The following GRID2 variants were observed in gnomAD, a reference collection of about 807,000 sequenced individuals.
The protein encoded by GRID2 is glutamate receptor ionotropic, delta-2.
A neutral mutation model predicts 114.8 loss-of-function variants in GRID2; 33 were observed. The observed-to-expected ratio is 0.29, with a 90% CI of 0.22 to 0.38. The LOEUF (loss-of-function observed/expected upper bound fraction) is 0.38. GRID2 is among the 10% of genes least tolerant of loss of function. The pLI, the probability that GRID2 is intolerant of heterozygous loss-of-function variation, is 1.00. For missense variants in GRID2, 1,184 were observed against 1,257.7 expected, an observed-to-expected ratio of 0.94 and a Z score of 0.89; for synonymous variants, 505 against 449.9, an observed-to-expected ratio of 1.12 and a Z score of -1.55.
At chr4:92,512,831 A>G (rs910452060) in intron 1 of GRID2, among the ~76,000 whole-genome samples, 4 of 151,844 alleles carry the variant, frequency 2.6e-5, no homozygotes, top group African/African-American at 4.8e-5. Context: ...ACGTAATTAT[A>G]TAGTTATTCT....
At chr4:93,480,179 G>A (rs1206865296) in intron 11 of GRID2, among the ~76,000 whole-genome samples, 1 of 152,128 alleles carries the variant, frequency 6.6e-6, no homozygotes, top group East Asian at 1.9e-4. Flanking sequence ...AGAACTGACT[G>A]AGCAATATCA....
At chr4:93,785,571 G>A (rs1282815155) in intron 1 of GRID2, among the ~76,000 whole-genome samples, 3 of 152,160 alleles carry the variant, frequency 2.0e-5, no homozygotes, top group Non-Finnish European at 4.4e-5. Flanking sequence ...TTTTAAGAAG[G>A]TATGGAGCAG....
At chr4:92,669,269 CTACTCTATGCCTTATAA>C (rs1437874035) in intron 2 of GRID2, among the ~76,000 whole-genome samples, 4 of 151,840 alleles carry the variant, frequency 2.6e-5, no homozygotes, top group Non-Finnish European at 4.4e-5. Flanking sequence ...TTCTCTGTTG[CTACTCTATGCCTTATAA>C]TACTCACTGC....
At chr4:92,570,857 C>T (rs12501529) in intron 1 of GRID2, among the ~76,000 whole-genome samples, 61,238 of 151,808 alleles carry the variant, frequency 0.4, 12,465 homozygotes, top group African/African-American at 0.47. Context: ...AACTGGATGA[C>T]GGAGTTTTCT....
In GRID2 at chr4:92,885,555, T is replaced by A. The variant is rs138800425; in HGVS notation, c.245-199440T>A. 2.9e-3 allele frequency among the ~76,000 whole-genome samples: 438 copies of A among 152,300 alleles called. 1 individual carries two copies. The highest frequency in any genetic ancestry group is 0.014 in the Middle Eastern group (4 of 294). ...AAAAGTGGGCTGCCCTGATGGTACT[T>A]TTCATTTCAAAATCAAACATATTCC... On this transcript the variant is annotated intron_variant, in intron 2 of 15. Coordinates refer to ENST00000282020, the MANE Select transcript of GRID2 (RefSeq NM_001510.4).
At chr4:93,042,289 CTCTCTCTCTCTA>C (rs1398909901) in intron 2 of GRID2, among the ~76,000 whole-genome samples, 32 of 85,274 alleles carry the variant, frequency 3.8e-4, no homozygotes, top group Admixed American at 8.7e-4. Context: ...CTCTCTCTCT[CTCTCTCTCTCTA>C]TATATATATA....
intron 2 of GRID2, among the ~76,000 whole-genome samples, chr4:93,063,114 A>G (rs1056500260): frequency 3.3e-5 from 5 of 151,946 alleles, no homozygotes; most frequent in Non-Finnish European, 5.9e-5. Flanking sequence ...CTTTATTTTG[A>G]AATACAAAAC....
intron 14 of GRID2, among the ~76,000 whole-genome samples, chr4:93,698,243 T>G (rs956239496): frequency 6.6e-6 from 1 of 152,064 alleles, no homozygotes; most frequent in African/African-American, 2.4e-5. Flanking sequence ...ATCAGATACT[T>G]ATACTGACAA....
intron 8 of GRID2, among the ~76,000 whole-genome samples, chr4:93,362,717 CT>C (rs1761989265): frequency 1.3e-5 from 2 of 152,026 alleles, no homozygotes; most frequent in African/African-American, 4.8e-5. Context: ...TTTCTCTGAT[CT>C]TTCATTCTGC....
At chr4:93,251,520 G>T (rs1368712) in intron 8 of GRID2, among the ~76,000 whole-genome samples, 3,194 of 152,262 alleles carry the variant, frequency 0.021, 42 homozygotes, top group South Asian at 0.087. Context: ...AAACTTTAAA[G>T]TTCAGGAGTA....
intron 13 of GRID2, among the ~76,000 whole-genome samples, chr4:93,565,225 A>C (rs1735290969): frequency 6.6e-6 from 1 of 152,258 alleles, no homozygotes; most frequent in South Asian, 2.1e-4. Context: ...AGGTAATAAA[A>C]TATTATGAAA....
At chr4:92,571,777 A>G (rs1406526032) in intron 1 of GRID2, among the ~76,000 whole-genome samples, 6 of 152,324 alleles carry the variant, frequency 3.9e-5, no homozygotes, top group African/African-American at 1.4e-4. Context: ...CTGCTCCTGA[A>G]TGACTACTGG....
At chr4:93,438,183 T>C (rs1359483703) in intron 10 of GRID2, among the ~76,000 whole-genome samples, 1 of 152,040 alleles carries the variant, frequency 6.6e-6, no homozygotes, top group African/African-American at 2.4e-5. Context: ...ATACTTTTCC[T>C]CGGCCTTCAA....
At chr4:92,905,570 A>G (rs1217118031) in intron 2 of GRID2, among the ~76,000 whole-genome samples, 1 of 152,170 alleles carries the variant, frequency 6.6e-6, no homozygotes, top group African/African-American at 2.4e-5. Context: ...GCTGTCCAAT[A>G]TGGTATTTAC....
chr4:93,690,351 A>G (rs1205764424), intron 14 of GRID2, among the ~76,000 whole-genome samples: 1 of 152,028 alleles, frequency 6.6e-6, no homozygotes, highest in Non-Finnish European at 1.5e-5. Flanking sequence ...TCTCTACTGC[A>G]TGTACTTCTG....
intron 2 of GRID2, among the ~76,000 whole-genome samples, chr4:93,041,548 G>T (rs898563486): frequency 6.6e-6 from 1 of 152,126 alleles, no homozygotes; most frequent in African/African-American, 2.4e-5. Flanking sequence ...TTAACATGTA[G>T]TTAAACTTAT....
intron 2 of GRID2, among the ~76,000 whole-genome samples, chr4:92,796,416 G>A (rs754363815): frequency 5.9e-5 from 9 of 151,880 alleles, no homozygotes; most frequent in Non-Finnish European, 1.2e-4. Context: ...CAGCCTTCTT[G>A]TACAACCGAA....
At chr4:92,494,122 T>A (rs1038349842) in intron 1 of GRID2, among the ~76,000 whole-genome samples, 1 of 152,068 alleles carries the variant, frequency 6.6e-6, no homozygotes, top group African/African-American at 2.4e-5. Flanking sequence ...TTGAGAAAAT[T>A]TTTCATAATT....
At chr4:92,771,240 A>C in intron 2 of GRID2, among the ~76,000 whole-genome samples, 1 of 152,224 alleles carries the variant, frequency 6.6e-6, no homozygotes, top group Non-Finnish European at 1.5e-5. Context: ...TAGTATCACA[A>C]GAAATGCCAT....
Sources: allele counts gnomAD v4.1 joint callset (sites outside exome capture counted in the v4.1 genomes callset), GRCh38; gene constraint gnomAD v4.1.1; transcripts MANE v1.5; gene names NCBI Gene and HGNC (gene_info 2026-07-23, HGNC 2026-07-21).